ABTB3: variants seen among roughly 807,000 people sequenced by gnomAD.
ABTB3 encodes the protein ankyrin repeat and BTB domain containing 3.
At chr12:107,445,894 CTCTCCCCTCTCCCT>C in the ABTB3 span, among the ~76,000 whole-genome samples, 1 of 142,546 alleles carries the variant, frequency 7.0e-6, no homozygotes, top group African/African-American at 2.6e-5. Context: ...CCCCTCTCCC[CTCTCCCCTCTCCCT>C]GTCTTCCCAT....
At chr12:107,480,020 C>T in the ABTB3 span, among the ~76,000 whole-genome samples, 5 of 152,158 alleles carry the variant, frequency 3.3e-5, no homozygotes, top group Non-Finnish European at 5.9e-5. Context: ...GCATGGCATA[C>T]AGCCAGAACA....
At chr12:107,510,509 TA>T in the ABTB3 span, among the ~76,000 whole-genome samples, 1 of 152,042 alleles carries the variant, frequency 6.6e-6, no homozygotes, top group African/African-American at 2.4e-5. Flanking sequence ...CATTAACAGA[TA>T]ATATATAATA....
chr12:107,358,864 T>A, the ABTB3 span, among the ~76,000 whole-genome samples: 269 of 152,300 alleles, frequency 1.8e-3, no homozygotes, highest in Non-Finnish European at 2.0e-3. Flanking sequence ...TGTGTTGGGA[T>A]TACAGGCATG....
At chr12:107,484,876 C>G in the ABTB3 span, among the ~76,000 whole-genome samples, 4 of 152,002 alleles carry the variant, frequency 2.6e-5, no homozygotes, top group Admixed American at 2.0e-4. Flanking sequence ...TTGGCCTGAG[C>G]CCTGGAAGGA....
chr12:107,512,047 G>A, the ABTB3 span, among the ~76,000 whole-genome samples: 4 of 152,000 alleles, frequency 2.6e-5, no homozygotes, highest in South Asian at 2.1e-4. Flanking sequence ...AGAGGTTTTC[G>A]CTTAATAACT....
the ABTB3 span, among the ~76,000 whole-genome samples, chr12:107,418,107 T>A: frequency 6.6e-6 from 1 of 152,200 alleles, no homozygotes; most frequent in Admixed American, 6.5e-5. Context: ...AAGATTAACA[T>A]TTGAGTCAGT....
chr12:107,550,683 C>T, the ABTB3 span, among the ~76,000 whole-genome samples: 109 of 150,916 alleles, frequency 7.2e-4, no homozygotes, highest in African/African-American at 2.6e-3. Context: ...CAGGTTCAAG[C>T]GATTCTCCCG....
chr12:107,556,336 T>C, the ABTB3 span, among the ~76,000 whole-genome samples: 141 of 152,206 alleles, frequency 9.3e-4, no homozygotes, highest in African/African-American at 1.9e-3. Context: ...CCTCAGGTGA[T>C]CCACCCACCT....
chr12:107,415,112 T>C, the ABTB3 span, among the ~76,000 whole-genome samples: 1 of 152,118 alleles, frequency 6.6e-6, no homozygotes, highest in East Asian at 1.9e-4. Context: ...CACGATCTGT[T>C]TCCTCCACTT....
the ABTB3 span, among the ~76,000 whole-genome samples, chr12:107,474,850 G>T: frequency 1.3e-5 from 2 of 152,066 alleles, no homozygotes; most frequent in Non-Finnish European, 2.9e-5. Context: ...TCCAGGTTGG[G>T]GCTTAAGGAG....
At chr12:107,340,785 G>A in the ABTB3 span, among the ~76,000 whole-genome samples, 1 of 152,188 alleles carries the variant, frequency 6.6e-6, no homozygotes, top group African/African-American at 2.4e-5. Flanking sequence ...CTCCCAGGAT[G>A]GAGCCCTTTT....
the ABTB3 span, among the ~76,000 whole-genome samples, chr12:107,352,996 G>C: frequency 6.6e-6 from 1 of 152,288 alleles, no homozygotes; most frequent in East Asian, 1.9e-4. Context: ...GCTACCAAAA[G>C]AGCCAGAGTT....
At chr12:107,355,799 C>G in the ABTB3 span, among the ~76,000 whole-genome samples, 1 of 152,178 alleles carries the variant, frequency 6.6e-6, no homozygotes, top group Admixed American at 6.5e-5. Context: ...TGTTGAGTAT[C>G]AGCAGTGCAA....
chr12:107,642,251 T>A, the ABTB3 span: 1 of 1,316,072 alleles, frequency 7.6e-7, no homozygotes, highest in Non-Finnish European at 1.1e-6. Flanking sequence ...AGCCTGAGGA[T>A]TGGCCACTTG....
chr12:107,474,475 GA>G, the ABTB3 span, among the ~76,000 whole-genome samples: 3 of 152,210 alleles, frequency 2.0e-5, no homozygotes, highest in African/African-American at 7.2e-5. Flanking sequence ...GGGAAGCAGG[GA>G]TGCTTGAGCA....
the ABTB3 span, among the ~76,000 whole-genome samples, chr12:107,588,085 G>C: frequency 6.6e-6 from 1 of 152,122 alleles, no homozygotes; most frequent in African/African-American, 2.4e-5. Flanking sequence ...TCCAATCTCT[G>C]CCTCCATCTT....
chr12:107,446,070 A>G, the ABTB3 span, among the ~76,000 whole-genome samples: 2 of 151,954 alleles, frequency 1.3e-5, no homozygotes, highest in African/African-American at 4.8e-5. Context: ...TCACACATTC[A>G]CAGGCTCTGG....
the ABTB3 span, among the ~76,000 whole-genome samples, chr12:107,571,166 T>C: frequency 6.6e-6 from 1 of 152,226 alleles, no homozygotes; most frequent in Non-Finnish European, 1.5e-5. Flanking sequence ...TTGTTGAGCA[T>C]TTACTATGTG....
At chr12:107,404,049 G>C in the ABTB3 span, among the ~76,000 whole-genome samples, 1 of 150,988 alleles carries the variant, frequency 6.6e-6, no homozygotes, top group Non-Finnish European at 1.5e-5. Flanking sequence ...TGTGACCCCA[G>C]CTACTTGGGA....
Sources: gnomAD v4.1 joint callset for allele counts (sites outside exome capture counted in the v4.1 genomes callset) on GRCh38, gnomAD v4.1.1 for gene constraint, MANE v1.5 for transcripts, NCBI Gene and HGNC (gene_info 2026-07-23, HGNC 2026-07-21) for gene names.